XPNPEP2: variants seen among roughly 807,000 people sequenced by gnomAD.
XPNPEP2 encodes the protein xaa-Pro aminopeptidase 2.
XPNPEP2 carries 64 observed loss-of-function variants against 59.8 expected under a neutral mutation model. The observed-to-expected ratio is 1.07, with a 90% CI of 0.87 to 1.32. The LOEUF (loss-of-function observed/expected upper bound fraction) is 1.32, where lower values mean the gene tolerates loss of function less well. Ranked by LOEUF, XPNPEP2 falls within the 40% of genes most tolerant of loss-of-function variation. XPNPEP2 has a pLI of 0.00. For missense variants in XPNPEP2, 575 were observed against 546.8 expected (o/e 1.05, Z -0.51); for synonymous variants, 235 against 210.0 (o/e 1.12, Z -1.03).
At chrX:129,743,046 T>C (rs1300333354) in intron 2 of XPNPEP2, among the ~76,000 whole-genome samples, 1 of 111,917 alleles carries the variant, frequency 8.9e-6, no homozygotes, top group Admixed American at 9.4e-5. Context: ...AGTGATTCTT[T>C]CTACAATCAG....
intron 13 of XPNPEP2, 66 bp from the exon 14 acceptor site, chrX:129,756,418 C>T (rs1418079529): frequency 2.5e-5 from 28 of 1,123,227 alleles, no homozygotes; most frequent in Non-Finnish European, 3.2e-5. Flanking sequence ...GTCCTCCCAC[C>T]AAGGCCTCCC....
intron 16 of XPNPEP2, among the ~76,000 whole-genome samples, chrX:129,760,817 AG>A (rs1298383756): frequency 1.8e-5 from 2 of 112,297 alleles, no homozygotes; most frequent in Non-Finnish European, 3.8e-5. Flanking sequence ...TGTTGCTCAG[AG>A]GTGGGAGAGA....
At position 129,768,355 on chromosome X, in the gene XPNPEP2, G is replaced by A. The variant is rs754987828; in HGVS notation, c.1895G>A (p.Arg632His). 6.3e-5 allele frequency: 76 copies of A among 1,206,356 alleles called. 1 individual carries two copies. The South Asian group carries it at 1.2e-3, about 19-fold the overall frequency. ...AAGGTGGGTCCAGAGCTGCAGAGGC[G>A]CCAGCTACTAGAGGAGTTCGAGTGG... ...REKVGPELQR[R>H]QLLEEFEWLQ... The change falls in exon 21 of 21, where the codon CGC becomes CAC. Residue 632 changes from arginine (R) to histidine (H), a missense_variant. Transcript: ENST00000371106.
At chrX:129,744,920 G>A (rs1926265399) in intron 3 of XPNPEP2, among the ~76,000 whole-genome samples, 1 of 112,070 alleles carries the variant, frequency 8.9e-6, no homozygotes, top group African/African-American at 3.2e-5. Flanking sequence ...AGGGCAACAA[G>A]TCTCCTTTGC....
chrX:129,766,512 CTT>C (rs1199540070), intron 19 of XPNPEP2, among the ~76,000 whole-genome samples: 7 of 102,886 alleles, frequency 6.8e-5, no homozygotes, highest in Non-Finnish European at 6.0e-5. Context: ...CACCTGGCCT[CTT>C]TTTTTTTTTT....
intron 13 of XPNPEP2, among the ~76,000 whole-genome samples, chrX:129,755,673 A>G (rs1477815628): frequency 4.4e-5 from 5 of 112,859 alleles, no homozygotes; most frequent in African/African-American, 1.6e-4. Flanking sequence ...ACGAGTTCAC[A>G]TGGAGAGAGG....
chrX:129,750,097 T>C (rs1299915568), intron 7 of XPNPEP2, among the ~76,000 whole-genome samples: 1 of 112,659 alleles, frequency 8.9e-6, no homozygotes, highest in Non-Finnish European at 1.9e-5. Flanking sequence ...GATACAAGAG[T>C]TACTACATCT....
At chrX:129,756,355 G>A in intron 13 of XPNPEP2, 129 bp from the exon 14 acceptor site, 1 of 618,928 alleles carries the variant, frequency 1.6e-6, no homozygotes, top group South Asian at 2.4e-5. Flanking sequence ...AGGGCCCTTT[G>A]GGATAGAATG....
intron 1 of XPNPEP2, 82 bp downstream of exon 1, chrX:129,739,344 GC>G (rs1926131066): frequency 4.9e-6 from 5 of 1,018,929 alleles, no homozygotes; most frequent in Non-Finnish European, 6.7e-6. Flanking sequence ...GAGGGTTGGG[GC>G]CCGAGTCTCT....
chrX:129,756,517 AGATGAGATGTACCTGCTGGACTCT>A lies in XPNPEP2; in HGVS notation c.1331_1354del (p.Asp444_Ser451del). 8.3e-7 allele frequency: 1 copy of A among 1,211,760 alleles called. No individual in the cohort carries two copies. Among genetic ancestry groups the A allele is most frequent in the Non-Finnish European group, 1.1e-6 (1 of 895,481 alleles). On this transcript the variant is annotated inframe_deletion, in exon 14 of 21. Coordinates refer to ENST00000371106, the MANE Select transcript of XPNPEP2 (RefSeq NM_003399.6). ...AGGAGCTGAACCGCAAGCTGTCCTC[AGATGAGATGTACCTGCTGGACTCT>A]GGGGGGCAGTACTGGTATGTACCCC...
At chrX:129,741,173 G>C (rs1602893853) in intron 1 of XPNPEP2, among the ~76,000 whole-genome samples, 2 of 36,861 alleles carry the variant, frequency 5.4e-5, no homozygotes, top group South Asian at 1.2e-3. Flanking sequence ...AATGAATATT[G>C]GGGGGGGGTC....
rs1163612855 is a variant in XPNPEP2, at chrX:129,752,451, G to A, written c.1017+106G>A. ...AGCCCCTCAGCCATTCAGTCATCTG[G>A]TCAGCCAACAACTGTGCAGTGAGTT... On this transcript the variant is annotated intron_variant, in intron 10 of 20. Transcript: ENST00000371106. The A allele has an allele frequency of 1.8e-5, 16 of 895,730 alleles. No individual in the cohort carries two copies. The Admixed American group carries it at 3.9e-4, about 22-fold the overall frequency. The allele number at this position is 895,730 out of a possible 1,213,427, so 73.8% of individuals were successfully genotyped here.
intron 2 of XPNPEP2, among the ~76,000 whole-genome samples, chrX:129,742,525 G>A (rs1286705771): frequency 9.1e-6 from 1 of 110,074 alleles, no homozygotes; most frequent in African/African-American, 3.3e-5. Flanking sequence ...GCTGAGGCCA[G>A]GCAGAGGAAA....
At chrX:129,754,388 C>G in intron 11 of XPNPEP2, 84 bp from the exon 12 acceptor site, 1 of 860,066 alleles carries the variant, frequency 1.2e-6, no homozygotes, top group Non-Finnish European at 1.6e-6. Flanking sequence ...CCTGGAGCCG[C>G]TATCTGATCT....
chrX:129,742,792 C>T (rs1331429021), intron 2 of XPNPEP2, among the ~76,000 whole-genome samples: 1 of 111,820 alleles, frequency 8.9e-6, no homozygotes, highest in Non-Finnish European at 1.9e-5. Flanking sequence ...ATCCCCGCTA[C>T]TCAGGAGGCT....
intron 8 of XPNPEP2, among the ~76,000 whole-genome samples, 191 bp downstream of exon 8, chrX:129,750,760 G>A (rs1602901176): frequency 8.9e-6 from 1 of 112,398 alleles, no homozygotes; most frequent in African/African-American, 3.2e-5. Context: ...TCAGAAAAAG[G>A]ACAAAAGGTA....
Position 129,742,089 on chromosome X carries a change from T to C in XPNPEP2, c.50-19T>C. ...TAGCTGGTCCCCAAATGACCCTGGA[T>C]TTTTCTCCCGGCTTCTAGCTTGTGC... On this transcript the variant is annotated intron_variant, in intron 1 of 20. Transcript: ENST00000371106. The C allele has an allele frequency of 8.3e-7, 1 of 1,205,927 alleles. No homozygotes were observed. The highest frequency in any genetic ancestry group is 1.7e-5 in the African/African-American group (1 of 57,696).
At chrX:129,746,714 A>G (rs777167627) in intron 6 of XPNPEP2, 33 bp downstream of exon 6, 4 of 1,166,896 alleles carry the variant, frequency 3.4e-6, no homozygotes, top group African/African-American at 1.8e-5. Flanking sequence ...GAATTTGTCC[A>G]TGCTAACGAG....
chrX:129,742,164 T>A lies in XPNPEP2; in HGVS notation c.106T>A (p.Cys36Ser), dbSNP rs1569475445. The A allele has an allele frequency of 8.3e-7, 1 of 1,205,464 alleles. No individual in the cohort carries two copies. ...VDLGGQDVRN[C>S]STNPPYLPVT... ...CCTTGGAGGGCAGGATGTGAGAAAC[T>A]GTTCCACCAACCCCCCTGTGAGTGC... The change falls in exon 2 of 21, where the codon TGT becomes AGT. Residue 36 changes from cysteine to serine, a missense_variant. Coordinates refer to ENST00000371106, the MANE Select transcript of XPNPEP2 (RefSeq NM_003399.6).
Sources: gnomAD v4.1 joint callset for allele counts (sites outside exome capture counted in the v4.1 genomes callset) on GRCh38, gnomAD v4.1.1 for gene constraint, MANE v1.5 for transcripts, NCBI Gene and HGNC (gene_info 2026-07-23, HGNC 2026-07-21) for gene names.